SPATA16: variants seen among roughly 807,000 people sequenced by gnomAD.
SPATA16 encodes spermatogenesis associated 16.
SPATA16 carries 36 observed loss-of-function variants against 63.3 expected under a neutral mutation model. The ratio of observed to expected loss-of-function variants is 0.57; its 90% CI spans 0.44 to 0.75. SPATA16 has a LOEUF of 0.75. Ranked by LOEUF, SPATA16 falls within the 30% of genes least tolerant of loss-of-function variation. SPATA16 has a pLI of 0.00. For synonymous variants in SPATA16, 203 were observed against 216.7 expected (o/e 0.94, Z 0.56); for missense variants, 646 against 679.3 (o/e 0.95, Z 0.54).
chr3:173,009,958 A>C (rs1428263060), intron 4 of SPATA16, among the ~76,000 whole-genome samples: 6 of 152,188 alleles, frequency 3.9e-5, no homozygotes, highest in African/African-American at 1.2e-4. Context: ...TTCCGTGACC[A>C]GTCTGATTGG....
intron 2 of SPATA16, among the ~76,000 whole-genome samples, chr3:173,104,566 A>G (rs1275860778): frequency 6.6e-6 from 1 of 152,152 alleles, no homozygotes; most frequent in Non-Finnish European, 1.5e-5. Flanking sequence ...GGAGCAAGTC[A>G]GGGGGAGGTG....
At chr3:173,031,370 G>T (rs1258510816) in intron 3 of SPATA16, among the ~76,000 whole-genome samples, 1 of 147,078 alleles carries the variant, frequency 6.8e-6, no homozygotes, top group East Asian at 1.9e-4. Flanking sequence ...TGATTGAAAT[G>T]ACTACACATC....
intron 3 of SPATA16, among the ~76,000 whole-genome samples, chr3:173,031,004 T>A (rs912437390): frequency 6.6e-6 from 1 of 152,192 alleles, no homozygotes; most frequent in Non-Finnish European, 1.5e-5. Context: ...ATGTTTCCAT[T>A]TTCATTGATG....
chr3:173,085,501 TA>T (rs951001319), intron 2 of SPATA16, among the ~76,000 whole-genome samples: 3 of 152,058 alleles, frequency 2.0e-5, no homozygotes, highest in Non-Finnish European at 4.4e-5. Context: ...AAATATGCTT[TA>T]TTTTTTTTTT....
intron 4 of SPATA16, among the ~76,000 whole-genome samples, chr3:173,008,873 C>T (rs1734998666): frequency 6.6e-6 from 1 of 152,034 alleles, no homozygotes; most frequent in South Asian, 2.1e-4. Context: ...AATTGCTAAA[C>T]TTTTTAAAGC....
intron 4 of SPATA16, among the ~76,000 whole-genome samples, chr3:173,013,086 A>C (rs1001872456): frequency 6.6e-6 from 1 of 152,164 alleles, no homozygotes; most frequent in Non-Finnish European, 1.5e-5. Flanking sequence ...CACAATAAAA[A>C]ACCATTAAAA....
intron 6 of SPATA16, among the ~76,000 whole-genome samples, chr3:172,947,774 G>A (rs1295707203): frequency 1.3e-5 from 2 of 152,066 alleles, no homozygotes; most frequent in East Asian, 3.9e-4. Context: ...ACCGGGGCCT[G>A]TCGGGGAGTG....
At chr3:173,037,872 C>T (rs1735750227) in intron 3 of SPATA16, among the ~76,000 whole-genome samples, 1 of 152,090 alleles carries the variant, frequency 6.6e-6, no homozygotes, top group Non-Finnish European at 1.5e-5. Flanking sequence ...ACAGCAATAA[C>T]AGTATAGCCA....
intron 10 of SPATA16, among the ~76,000 whole-genome samples, chr3:172,891,152 T>G (rs1161954974): frequency 6.6e-6 from 1 of 152,118 alleles, no homozygotes; most frequent in Non-Finnish European, 1.5e-5. Context: ...GTATTGACAA[T>G]GTATCATTTA....
chr3:173,093,636 G>T (rs1163047208), intron 2 of SPATA16, among the ~76,000 whole-genome samples: 1 of 152,050 alleles, frequency 6.6e-6, no homozygotes, highest in Non-Finnish European at 1.5e-5. Flanking sequence ...AACACCCCAA[G>T]AACTTGTAAA....
At chr3:172,950,491 C>T (rs1413554870) in intron 6 of SPATA16, among the ~76,000 whole-genome samples, 1 of 152,130 alleles carries the variant, frequency 6.6e-6, no homozygotes, top group African/African-American at 2.4e-5. Context: ...AATATTGGGG[C>T]TGAAGACTGT....
At chr3:173,041,604 T>A (rs965883827) in intron 3 of SPATA16, among the ~76,000 whole-genome samples, 1 of 152,138 alleles carries the variant, frequency 6.6e-6, no homozygotes, top group Non-Finnish European at 1.5e-5. Context: ...CTTAGTAGCC[T>A]ATATATTTGT....
At chr3:173,067,701 G>T (rs991781670) in intron 2 of SPATA16, among the ~76,000 whole-genome samples, 1 of 128,214 alleles carries the variant, frequency 7.8e-6, no homozygotes, top group Non-Finnish European at 1.6e-5. Flanking sequence ...AAATTAATTT[G>T]AAGGAATAAT....
At position 172,925,461 on chromosome 3, in the gene SPATA16, T is replaced by A. The variant is rs762292387; in HGVS notation, c.1113A>T (p.Thr371=). 8.4e-5 allele frequency: 135 copies of A among 1,613,950 alleles called. No homozygotes were observed. The highest frequency in any genetic ancestry group is 1.0e-4 in the Non-Finnish European group (122 of 1,179,954). ...GGGGAGGAAAAGATGACCAGTCAAC[T>A]GTCTGAGGCAACATGTGGAGTGCTT... The part of the protein sequence containing the change: ...DLQALHMLPQ[T]VDWSSFPPQQ... Residue 371 remains threonine (T), a synonymous_variant, in exon 7 of 11, where the codon ACA becomes ACT. Coordinates refer to ENST00000351008, the MANE Select transcript of SPATA16 (RefSeq NM_031955.6).
chr3:172,923,486 G>A (rs984592355), intron 8 of SPATA16, among the ~76,000 whole-genome samples: 3 of 152,104 alleles, frequency 2.0e-5, no homozygotes, highest in African/African-American at 7.2e-5. Context: ...ACACAAAAGA[G>A]GGAACAGGAA....
At chr3:173,058,324 C>T (rs929149611) in intron 2 of SPATA16, among the ~76,000 whole-genome samples, 2 of 152,078 alleles carry the variant, frequency 1.3e-5, no homozygotes, top group African/African-American at 4.8e-5. Flanking sequence ...CAGTATCATA[C>T]ATAATGTACA....
chr3:172,944,780 T>G (rs772534239), intron 6 of SPATA16, among the ~76,000 whole-genome samples: 1 of 152,134 alleles, frequency 6.6e-6, no homozygotes, highest in African/African-American at 2.4e-5. Flanking sequence ...AGCTGTCAAA[T>G]TCACAGAGAC....
intron 3 of SPATA16, among the ~76,000 whole-genome samples, chr3:173,035,973 T>G (rs554709576): frequency 6.7e-6 from 1 of 148,512 alleles, no homozygotes; most frequent in South Asian, 2.1e-4. Flanking sequence ...TTTTTTTTTT[T>G]AATAAATTTC....
intron 10 of SPATA16, among the ~76,000 whole-genome samples, chr3:172,900,357 C>T (rs1302594750): frequency 6.6e-6 from 1 of 152,136 alleles, no homozygotes; most frequent in African/African-American, 2.4e-5. Flanking sequence ...CTTTAGTCTT[C>T]AGAAGTTTGA....
Sources: gnomAD v4.1 joint callset for allele counts (sites outside exome capture counted in the v4.1 genomes callset) on GRCh38, gnomAD v4.1.1 for gene constraint, MANE v1.5 for transcripts, NCBI Gene and HGNC (gene_info 2026-07-23, HGNC 2026-07-21) for gene names.